Variants in GOLGA8Q observed in about 807,000 individuals in gnomAD.
GOLGA8Q encodes golgin A8 family member Q.
GOLGA8Q carries 3 observed loss-of-function variants against 48.7 expected under a neutral mutation model. The observed-to-expected ratio is 0.06, with a 90% CI of 0.03 to 0.16. The LOEUF is 0.16. GOLGA8Q is among the 10% of genes least tolerant of loss of function. The pLI is 1.00. For synonymous variants in GOLGA8Q, 22 were observed against 138.2 expected (o/e 0.16, Z 5.90); for missense variants, 49 against 364.3 (o/e 0.13, Z 7.05).
At position 30,555,616 on chromosome 15, in the gene GOLGA8Q, G is replaced by A. The variant is rs1360109011; in HGVS notation, c.310-358G>A. Reference sequence around the variant, plus strand: ...TCCTTTTCCATCCTATATCTGCTGTGAAGAACCGTACCTGGCCCATACGTG... The same window carrying A: ...TCCTTTTCCATCCTATATCTGCTGTAAAGAACCGTACCTGGCCCATACGTG... On this transcript the variant is annotated intron_variant, in intron 4 of 18. Coordinates refer to ENST00000562783, the MANE Select transcript of GOLGA8Q (RefSeq NM_001355476.2). 1.5e-4 allele frequency among the ~76,000 whole-genome samples: 16 copies of A among 108,706 alleles called. 3 individuals carry two copies. Among genetic ancestry groups the A allele is most frequent in the African/African-American group, 4.4e-4 (12 of 27,066 alleles). 71.3% of individuals were successfully genotyped at this position (108,706 alleles called of 152,430 possible).
At chr15:30,560,361 C>G in intron 13 of GOLGA8Q, among the ~76,000 whole-genome samples, 175 bp from the exon 14 acceptor site, 1 of 92,476 alleles carries the variant, frequency 1.1e-5, no homozygotes, top group East Asian at 2.1e-4. Flanking sequence ...GCAGTGACTG[C>G]AACAGACCCA....
chr15:30,560,551 G>T lies in GOLGA8Q; in HGVS notation c.1216G>T (p.Ala406Ser), dbSNP rs750244601. ...GGCCCCTTAGGAGCACCTGGAAGCGGCCAGCCAGCAGAACCAGCAGCTAAC... is the reference window on the plus strand; with the variant it reads ...GGCCCCTTAGGAGCACCTGGAAGCGTCCAGCCAGCAGAACCAGCAGCTAAC... ...EKLGEEHLEA[A>S]SQQNQQLTAQ... The change falls in exon 14 of 19, where the codon GCC (alanine) becomes TCC (serine). Residue 406 changes from alanine (A) to serine (S), a missense_variant. Physicochemically the swap from Ala to Ser is moderately conservative, Grantham distance 99. Transcript: ENST00000562783. 5 of 1,123,340 alleles carry T rather than the reference G, an allele frequency of 4.5e-6. No homozygotes were observed. In the East Asian group the frequency reaches 7.0e-5, roughly 16 times the overall value. The allele number at this position is 1,123,340 out of a possible 1,614,324, so 69.6% of individuals were successfully genotyped here. A position where few individuals can be genotyped will look rare whatever the true frequency, so the allele number is the denominator to read the frequency against.
At chr15:30,559,718 C>T (rs1233036591) in intron 13 of GOLGA8Q, among the ~76,000 whole-genome samples, 1 of 151,220 alleles carries the variant, frequency 6.6e-6, no homozygotes, top group Non-Finnish European at 1.5e-5. Context: ...ATTAGCAGGG[C>T]ATTGTGGCGC....
chr15:30,565,312 G>T lies in GOLGA8Q; in HGVS notation c.*2811G>T. Among the ~76,000 whole-genome samples, 1 of 96,876 alleles carries T rather than the reference G, an allele frequency of 1.0e-5. No individual in the cohort carries two copies. The highest frequency in any genetic ancestry group is 1.2e-4 in the Admixed American group (1 of 8,664). The allele number at this position is 96,876 out of a possible 152,430, so 63.6% of individuals were successfully genotyped here. ...AGCTCTAAAACCAAAGCTGATTTTAGAAAATTTGAAAATGTAAATCAGCCC... is the reference window on the plus strand; with the variant it reads ...AGCTCTAAAACCAAAGCTGATTTTATAAAATTTGAAAATGTAAATCAGCCC... On this transcript the variant is annotated 3_prime_UTR_variant, in exon 19 of 19. Transcript: ENST00000562783.
rs778845448 is a variant in GOLGA8Q at position 30,558,069 on chromosome 15, A to C, written c.786+18A>C. On this transcript the variant is annotated intron_variant, in intron 10 of 18. Transcript: ENST00000562783. ...TGCAGGAGGTGAGATCTGACCCTTC[A>C]GCCCCCCCACATTAGATAGGGCACT... 58 of 1,057,156 alleles carry C rather than the reference A, an allele frequency of 5.5e-5. 18 individuals are homozygous for C. Among genetic ancestry groups the C allele is most frequent in the Non-Finnish European group, 7.6e-5 (58 of 761,008 alleles). The allele number at this position is 1,057,156 out of a possible 1,614,324, so 65.5% of individuals were successfully genotyped here. A position where few individuals can be genotyped will look rare whatever the true frequency, so the allele number is the denominator to read the frequency against.
At chr15:30,559,794 G>T (rs1430891117) in intron 13 of GOLGA8Q, among the ~76,000 whole-genome samples, 2 of 143,366 alleles carry the variant, frequency 1.4e-5, no homozygotes, top group African/African-American at 2.6e-5. Context: ...GGAGGTGGAG[G>T]TTGCAGTGAG....
At chr15:30,560,853 C>A in intron 14 of GOLGA8Q, 190 bp from the exon 15 acceptor site, 1 of 388,798 alleles carries the variant, frequency 2.6e-6, no homozygotes, top group South Asian at 2.6e-5. Flanking sequence ...CCCACATCGA[C>A]CAGTAGTGGG....
At chr15:30,554,652 GA>G in intron 2 of GOLGA8Q, 148 bp from the exon 3 acceptor site, 1 of 172,548 alleles carries the variant, frequency 5.8e-6, no homozygotes. Context: ...TAAGAACCAT[GA>G]GAGAAGTTGG....
chr15:30,555,672 T>C (rs2140719745), intron 4 of GOLGA8Q, among the ~76,000 whole-genome samples: 1 of 98,344 alleles, frequency 1.0e-5, no homozygotes, highest in South Asian at 2.9e-4. Flanking sequence ...TGAACCCACT[T>C]TTCTAAATCA....
At chr15:30,554,266 G>T (rs549692339) in intron 2 of GOLGA8Q, among the ~76,000 whole-genome samples, 1 of 123,368 alleles carries the variant, frequency 8.1e-6, no homozygotes, top group Admixed American at 7.8e-5. Context: ...TTATGCCACC[G>T]CACTCCAGCC....
intron 4 of GOLGA8Q, among the ~76,000 whole-genome samples, chr15:30,555,767 CTG>C (rs1400052864): frequency 6.9e-5 from 6 of 87,260 alleles, no homozygotes; most frequent in South Asian, 6.7e-4. Context: ...CAGATTCAGA[CTG>C]AGTTCTGTGG....
intron 2 of GOLGA8Q, among the ~76,000 whole-genome samples, chr15:30,554,279 G>C (rs1391823608): frequency 2.4e-5 from 3 of 126,858 alleles, no homozygotes; most frequent in Non-Finnish European, 5.0e-5. Flanking sequence ...CTCCAGCCTG[G>C]TGAAAGAGCA....
intron 1 of GOLGA8Q, among the ~76,000 whole-genome samples, chr15:30,552,330 AG>A (rs1205986304): frequency 5.3e-5 from 2 of 37,810 alleles, no homozygotes; most frequent in Non-Finnish European, 5.7e-5. Flanking sequence ...CAATCACCCC[AG>A]GGTGACTTTG....
chr15:30,559,683 C>T lies in GOLGA8Q; in HGVS notation c.1200+392C>T, dbSNP rs542164388. Among the ~76,000 whole-genome samples the T allele has an allele frequency of 3.2e-4, 49 of 151,004 alleles. No individual in the cohort carries two copies. In the South Asian group the frequency reaches 5.7e-3, roughly 18 times the overall value. On this transcript the variant is annotated intron_variant, in intron 13 of 18. Transcript: ENST00000562783. Reference sequence around the variant, plus strand: ...CCTGGCCAATGTGGTAAAACCTCATCTCTACTAAAATTAAAAAAAAAAAAA... The same window carrying T: ...CCTGGCCAATGTGGTAAAACCTCATTTCTACTAAAATTAAAAAAAAAAAAA...
In GOLGA8Q at chr15:30,564,102, TTGA is replaced by T. The variant is rs1342510609; in HGVS notation, c.*1607_*1609del. Among the ~76,000 whole-genome samples, 1 of 123,862 alleles carries T rather than the reference TTGA, an allele frequency of 8.1e-6. No individual in the cohort carries two copies. Among genetic ancestry groups the T allele is most frequent in the Non-Finnish European group, 1.7e-5 (1 of 60,274 alleles). The allele number at this position is 123,862 out of a possible 152,430, so 81.3% of individuals were successfully genotyped here. ...AGTTATGTATTGCCTAAATCGTAAC[TTGA>T]TGATGCTTGGGAAAGACTCAACAGT... On this transcript the variant is annotated 3_prime_UTR_variant, in exon 19 of 19. Transcript: ENST00000562783.
Position 30,561,763 on chromosome 15 carries a change from AAAC to A in GOLGA8Q, c.1426_1428del (p.Gln476del), listed in dbSNP as rs1395727753. On this transcript the variant is annotated inframe_deletion, in exon 16 of 19. Transcript: ENST00000562783. ...GGCAGACCTGAGTGAGCTGGTGAAA[AAAC>A]AAGAACTTCGCTTCATTCAATACTG... The A allele has an allele frequency of 4.4e-5, 36 of 819,528 alleles. No individual in the cohort carries two copies. The highest frequency in any genetic ancestry group is 5.9e-5 in the Non-Finnish European group (30 of 512,178). 50.8% of individuals were successfully genotyped at this position (819,528 alleles called of 1,614,324 possible).
chr15:30,557,927 TG>T lies in GOLGA8Q; in HGVS notation c.679-16del. On this transcript the variant is annotated splice_polypyrimidine_tract_variant and intron_variant, in intron 9 of 18. Coordinates refer to ENST00000562783, the MANE Select transcript of GOLGA8Q (RefSeq NM_001355476.2). The stretch of plus-strand genomic sequence containing the variant: ...ACCAGTGACAGCCCTTCCTAACTTC[TG>T]TGCCCATTCTTGCAGTTGAAGGAGT... The T allele has an allele frequency of 8.2e-7, 1 of 1,221,396 alleles. No homozygotes were observed. The highest frequency in any genetic ancestry group is 1.8e-5 in the Admixed American group (1 of 55,666). The allele number at this position is 1,221,396 out of a possible 1,614,324, so 75.7% of individuals were successfully genotyped here. A position where few individuals can be genotyped will look rare whatever the true frequency, so the allele number is the denominator to read the frequency against.
Position 30,560,565 on chromosome 15 carries a change from C to T in GOLGA8Q, c.1230C>T (p.Asn410=). 8.8e-7 allele frequency: 1 copy of T among 1,130,028 alleles called. No homozygotes were observed. Among genetic ancestry groups the T allele is most frequent in the South Asian group, 1.4e-5 (1 of 71,302 alleles). 70.0% of individuals were successfully genotyped at this position (1,130,028 alleles called of 1,614,324 possible). The stretch of plus-strand genomic sequence containing the variant: ...ACCTGGAAGCGGCCAGCCAGCAGAA[C>T]CAGCAGCTAACGGCCCAGCTGAACC... ...EEHLEAASQQ[N]QQLTAQLNLM... Residue 410 remains asparagine, a synonymous_variant, in exon 14 of 19, where the codon AAC becomes AAT. Coordinates refer to ENST00000562783, the MANE Select transcript of GOLGA8Q (RefSeq NM_001355476.2).
rs1442333778 is a variant in GOLGA8Q, at chr15:30,555,673, T to C, written c.310-301T>C. Among the ~76,000 whole-genome samples the C allele has an allele frequency of 5.5e-4, 54 of 97,998 alleles. No individual in the cohort carries two copies. The East Asian group carries it at 6.7e-3, about 12-fold the overall frequency. The allele number at this position is 97,998 out of a possible 152,430, so 64.3% of individuals were successfully genotyped here. On this transcript the variant is annotated intron_variant, in intron 4 of 18. Coordinates refer to ENST00000562783, the MANE Select transcript of GOLGA8Q (RefSeq NM_001355476.2). Reference sequence around the variant, plus strand: ...AAGTGTTTATTGAATGAACCCACTTTTCTAAATCACAAGCTGCCAGAAGGA... The same window carrying C: ...AAGTGTTTATTGAATGAACCCACTTCTCTAAATCACAAGCTGCCAGAAGGA...
Sources: gnomAD v4.1 joint callset for allele counts (sites outside exome capture counted in the v4.1 genomes callset) on GRCh38, gnomAD v4.1.1 for gene constraint, MANE v1.5 for transcripts, NCBI Gene and HGNC (gene_info 2026-07-23, HGNC 2026-07-21) for gene names.